The following PIK3C2G variants were observed in gnomAD, a reference collection of about 807,000 sequenced individuals.
The protein encoded by PIK3C2G is phosphatidylinositol-4-phosphate 3-kinase catalytic subunit type 2 gamma.
A neutral mutation model predicts 181.1 loss-of-function variants in PIK3C2G; 168 were observed. That is an observed-to-expected ratio of 0.93 (90% confidence interval 0.82 to 1.05). PIK3C2G has a LOEUF of 1.05. PIK3C2G is among the 50% of genes least tolerant of loss of function. PIK3C2G has a pLI of 0.00. For synonymous variants in PIK3C2G, 573 were observed against 592.2 expected (o/e 0.97, Z 0.47); for missense variants, 1,869 against 1,732.8 (o/e 1.08, Z -1.40).
chr12:18,521,728 C>T (rs1942932586), intron 24 of PIK3C2G, among the ~76,000 whole-genome samples: 1 of 152,214 alleles, frequency 6.6e-6, no homozygotes, highest in South Asian at 2.1e-4. Context: ...TCGACTGCCG[C>T]CTTTCCCACA....
intron 18 of PIK3C2G, among the ~76,000 whole-genome samples, chr12:18,451,430 T>A (rs934822779): frequency 6.6e-6 from 1 of 152,246 alleles, no homozygotes; most frequent in South Asian, 2.1e-4. Flanking sequence ...TCATTTTGAA[T>A]CCTGAGACTT....
the PIK3C2G span, chr12:18,705,203 A>G: frequency 1.9e-6 from 3 of 1,614,094 alleles, no homozygotes; most frequent in Middle Eastern, 1.6e-4. Context: ...ATCATCAAGC[A>G]TATCAGAAAG....
chr12:18,516,786 T>C (rs1048554000), intron 24 of PIK3C2G, among the ~76,000 whole-genome samples: 2 of 151,968 alleles, frequency 1.3e-5, no homozygotes, highest in African/African-American at 4.8e-5. Context: ...TGTGGTTTTT[T>C]CTTTCTAGGA....
the PIK3C2G span, among the ~76,000 whole-genome samples, chr12:18,703,894 AC>A: frequency 6.7e-3 from 1,027 of 152,322 alleles, 3 homozygotes; most frequent in African/African-American, 0.023. Context: ...AGAGGGCAAT[AC>A]CCAAATATTA....
chr12:18,389,155 A>G (rs955367083), intron 14 of PIK3C2G, among the ~76,000 whole-genome samples: 3 of 152,144 alleles, frequency 2.0e-5, no homozygotes, highest in African/African-American at 7.2e-5. Flanking sequence ...GATCGAGTCC[A>G]TCCTGGCTAA....
At chr12:18,577,685 A>C (rs1946303104) in intron 29 of PIK3C2G, among the ~76,000 whole-genome samples, 1 of 152,194 alleles carries the variant, frequency 6.6e-6, no homozygotes, top group Admixed American at 6.5e-5. Flanking sequence ...TACTAAAAGA[A>C]GCTAAAATTA....
chr12:18,502,387 T>G (rs990469752), intron 22 of PIK3C2G, among the ~76,000 whole-genome samples: 1 of 152,234 alleles, frequency 6.6e-6, no homozygotes, highest in Non-Finnish European at 1.5e-5. Context: ...GTTATATTTG[T>G]GTCCCTGGTC....
At chr12:18,359,462 C>T (rs1941041960) in intron 11 of PIK3C2G, among the ~76,000 whole-genome samples, 1 of 152,080 alleles carries the variant, frequency 6.6e-6, no homozygotes, top group Non-Finnish European at 1.5e-5. Context: ...TGGTCTATAG[C>T]GTTGTTCTAA....
intron 30 of PIK3C2G, among the ~76,000 whole-genome samples, chr12:18,596,124 C>G (rs146160503): frequency 6.6e-6 from 1 of 152,130 alleles, no homozygotes; most frequent in African/African-American, 2.4e-5. Context: ...CTATGAAGGA[C>G]ACCTTGATAT....
At chr12:18,434,127 C>T (rs1396917679) in intron 18 of PIK3C2G, among the ~76,000 whole-genome samples, 1 of 152,168 alleles carries the variant, frequency 6.6e-6, no homozygotes, top group Non-Finnish European at 1.5e-5. Context: ...TCTCTGCTTC[C>T]GAGATTGCAC....
intron 24 of PIK3C2G, among the ~76,000 whole-genome samples, chr12:18,521,260 A>G (rs1282228598): frequency 1.3e-5 from 2 of 152,186 alleles, no homozygotes; most frequent in African/African-American, 4.8e-5. Flanking sequence ...TTAACGAAGC[A>G]CTTTGACTGT....
At chr12:18,364,263 C>CT (rs1228637428) in intron 12 of PIK3C2G, among the ~76,000 whole-genome samples, 3 of 152,218 alleles carry the variant, frequency 2.0e-5, no homozygotes, top group Non-Finnish European at 4.4e-5. Flanking sequence ...AGTCAGGCCT[C>CT]TGCCAGGGAT....
chr12:18,336,873 A>C (rs546352947), intron 8 of PIK3C2G, among the ~76,000 whole-genome samples: 30 of 152,146 alleles, frequency 2.0e-4, no homozygotes, highest in Non-Finnish European at 3.8e-4. Context: ...CATATCAGAG[A>C]TACTGGCTAT....
intron 8 of PIK3C2G, among the ~76,000 whole-genome samples, chr12:18,336,735 T>C (rs990751047): frequency 1.3e-5 from 2 of 152,172 alleles, no homozygotes; most frequent in Non-Finnish European, 2.9e-5. Context: ...CTCAACTAAA[T>C]TGCATCTTTT....
chr12:18,341,851 G>A (rs1322151038), intron 9 of PIK3C2G, among the ~76,000 whole-genome samples: 1 of 152,078 alleles, frequency 6.6e-6, no homozygotes, highest in African/African-American at 2.4e-5. Flanking sequence ...TGCATTTTTG[G>A]TCAACATGCA....
chr12:18,673,745 G>C, the PIK3C2G span, among the ~76,000 whole-genome samples: 4 of 152,108 alleles, frequency 2.6e-5, no homozygotes, highest in African/African-American at 9.7e-5. Flanking sequence ...TCTCATCAGG[G>C]GAAGGATCCA....
intron 9 of PIK3C2G, among the ~76,000 whole-genome samples, chr12:18,338,754 G>A (rs1382054011): frequency 6.6e-6 from 1 of 150,882 alleles, no homozygotes; most frequent in Non-Finnish European, 1.5e-5. Context: ...GGTATTGGCA[G>A]CTTGAGTCTA....
intron 1 of PIK3C2G, among the ~76,000 whole-genome samples, chr12:18,275,906 G>C (rs766045740): frequency 3.9e-5 from 6 of 152,018 alleles, no homozygotes; most frequent in Non-Finnish European, 8.8e-5. Flanking sequence ...TAATGACATT[G>C]CTCACAGTTG....
chr12:18,396,035 T>C (rs1361573856), intron 15 of PIK3C2G, among the ~76,000 whole-genome samples: 2 of 151,640 alleles, frequency 1.3e-5, no homozygotes, highest in Non-Finnish European at 3.0e-5. Flanking sequence ...TTGGTATGGT[T>C]AGGTAATCAT....
Sources: allele counts gnomAD v4.1 joint callset (sites outside exome capture counted in the v4.1 genomes callset), GRCh38; gene constraint gnomAD v4.1.1; transcripts MANE v1.5; gene names NCBI Gene and HGNC (gene_info 2026-07-23, HGNC 2026-07-21).